Variants in DGKB observed in about 807,000 individuals in gnomAD.
DGKB encodes diacylglycerol kinase beta, also known as 90 kDa diacylglycerol kinase.
DGKB carries 67 observed loss-of-function variants against 114.3 expected under a neutral mutation model. That is an observed-to-expected ratio of 0.59 (90% CI 0.48 to 0.72). The LOEUF (loss-of-function observed/expected upper bound fraction) is 0.72, where lower values mean the gene tolerates loss of function less well. DGKB is among the 30% of genes least tolerant of loss of function. The pLI, the probability that DGKB is intolerant of heterozygous loss-of-function variation, is 0.00. For synonymous variants in DGKB, 398 were observed against 323.1 expected (o/e 1.23, Z -2.49); for missense variants, 907 against 975.2 (o/e 0.93, Z 0.93).
At chr7:14,250,137 T>A (rs200786909) in intron 23 of DGKB, among the ~76,000 whole-genome samples, 31,862 of 134,592 alleles carry the variant, frequency 0.24, 3,574 homozygotes, top group East Asian at 0.34. Context: ...TATATATTTT[T>A]TTTTTTTTTT....
At chr7:14,778,064 A>G (rs959732934) in intron 2 of DGKB, among the ~76,000 whole-genome samples, 4 of 152,234 alleles carry the variant, frequency 2.6e-5, no homozygotes, top group African/African-American at 7.2e-5. Context: ...AAGAGACATC[A>G]GTATTAGTAA....
chr7:14,705,189 C>T (rs551138559), intron 6 of DGKB, among the ~76,000 whole-genome samples: 22 of 151,616 alleles, frequency 1.5e-4, no homozygotes, highest in Non-Finnish European at 2.5e-4. Context: ...CCTCAGGAGC[C>T]GATGCGATCA....
At chr7:14,226,849 A>G (rs1228060543) in intron 23 of DGKB, among the ~76,000 whole-genome samples, 1 of 152,030 alleles carries the variant, frequency 6.6e-6, no homozygotes, top group Non-Finnish European at 1.5e-5. Flanking sequence ...TTTAACATTT[A>G]CTTTAAATTA....
chr7:14,345,533 A>G, intron 21 of DGKB, 142 bp from the exon 22 acceptor site: 1 of 541,610 alleles, frequency 1.8e-6, no homozygotes, highest in Non-Finnish European at 3.3e-6. Context: ...TGGTCATATA[A>G]TTTTCAAAGC....
At chr7:14,364,497 C>T (rs528517121) in intron 21 of DGKB, among the ~76,000 whole-genome samples, 19 of 152,050 alleles carry the variant, frequency 1.2e-4, no homozygotes, top group Non-Finnish European at 2.8e-4. Context: ...TACATTCAAT[C>T]GTCACAATAG....
intron 20 of DGKB, among the ~76,000 whole-genome samples, chr7:14,570,089 A>G (rs1012700953): frequency 6.0e-5 from 9 of 150,798 alleles, no homozygotes; most frequent in African/African-American, 1.7e-4. Context: ...ATATTTTTTC[A>G]ATTGGAATAT....
chr7:14,738,597 A>G (rs904412130), intron 4 of DGKB, among the ~76,000 whole-genome samples: 1 of 152,240 alleles, frequency 6.6e-6, no homozygotes, highest in Non-Finnish European at 1.5e-5. Context: ...TAAACATTGT[A>G]TGTAATTAAA....
At chr7:14,566,340 A>G (rs1295175792) in intron 20 of DGKB, among the ~76,000 whole-genome samples, 1 of 152,142 alleles carries the variant, frequency 6.6e-6, no homozygotes, top group Non-Finnish European at 1.5e-5. Flanking sequence ...TTTATTATGG[A>G]CTGTGGTTTA....
intron 1 of DGKB, among the ~76,000 whole-genome samples, chr7:14,909,499 A>C (rs2128242843): frequency 6.6e-6 from 1 of 152,234 alleles, no homozygotes; most frequent in East Asian, 1.9e-4. Flanking sequence ...TAATTTGTAG[A>C]AATTGAAAAA....
chr7:14,556,539 C>G (rs1795900755), intron 20 of DGKB, among the ~76,000 whole-genome samples: 1 of 151,882 alleles, frequency 6.6e-6, no homozygotes, highest in Admixed American at 6.6e-5. Flanking sequence ...GGAATGCATC[C>G]CCTATGCCCC....
chr7:14,714,848 T>G (rs1359093627), intron 6 of DGKB, among the ~76,000 whole-genome samples: 1 of 152,152 alleles, frequency 6.6e-6, no homozygotes, highest in African/African-American at 2.4e-5. Context: ...CAGTTTAAAT[T>G]TGAAAGGATG....
At chr7:14,970,413 A>G (rs217609) in intron 1 of DGKB, among the ~76,000 whole-genome samples, 83,243 of 151,876 alleles carry the variant, frequency 0.55, 24,915 homozygotes, top group East Asian at 0.82. Flanking sequence ...AGGGTAATGT[A>G]AAACTGTAAA....
intron 20 of DGKB, among the ~76,000 whole-genome samples, chr7:14,513,652 C>T (rs1271451000): frequency 6.6e-6 from 1 of 151,890 alleles, no homozygotes; most frequent in Non-Finnish European, 1.5e-5. Flanking sequence ...AGAGCAGTGT[C>T]AAATTTTACA....
At chr7:14,569,244 C>A (rs527609229) in intron 20 of DGKB, among the ~76,000 whole-genome samples, 1 of 152,048 alleles carries the variant, frequency 6.6e-6, no homozygotes, top group Non-Finnish European at 1.5e-5. Context: ...CTCTCTTTAT[C>A]CCCCTAATCC....
intron 25 of DGKB, among the ~76,000 whole-genome samples, chr7:14,152,612 G>C (rs1782388318): frequency 6.6e-6 from 1 of 152,006 alleles, no homozygotes; most frequent in Non-Finnish European, 1.5e-5. Context: ...CTGTCTTCCT[G>C]TTTCAAATTA....
intron 2 of DGKB, among the ~76,000 whole-genome samples, chr7:14,778,380 C>T (rs1838538249): frequency 6.6e-6 from 1 of 152,106 alleles, no homozygotes; most frequent in African/African-American, 2.4e-5. Flanking sequence ...GAACCTAGTG[C>T]ATAAACTAAC....
At chr7:14,163,247 T>C (rs1784162984) in intron 25 of DGKB, among the ~76,000 whole-genome samples, 1 of 152,210 alleles carries the variant, frequency 6.6e-6, no homozygotes, top group Non-Finnish European at 1.5e-5. Flanking sequence ...TCCTTTTTTT[T>C]TAACCAATCT....
Position 14,950,210 on chromosome 7 carries a change from CCTTACTCATCT to C in DGKB, c.-188+24475_-188+24485del, listed in dbSNP as rs1786111418. ...AGCAGATAGAAAAACATGACTCATC[CCTTACTCATCT>C]CTTACAAGGAAACCCCAATGAAATG... On this transcript the variant is annotated intron_variant, in intron 1 of 4. Transcript: ENST00000437998. Among the ~76,000 whole-genome samples, 3 of 36,654 alleles carry C rather than the reference CCTTACTCATCT, an allele frequency of 8.2e-5. No individual in the cohort carries two copies. In the South Asian group the frequency reaches 6.0e-3, roughly 73 times the overall value. The allele number at this position is 36,654 out of a possible 152,430, so 24.0% of individuals were successfully genotyped here.
intron 9 of DGKB, among the ~76,000 whole-genome samples, chr7:14,690,475 T>C (rs1362991175): frequency 6.6e-6 from 1 of 152,232 alleles, no homozygotes; most frequent in Admixed American, 6.5e-5. Flanking sequence ...TGAATTAAAA[T>C]AAATTAAAAC....
Sources: gnomAD v4.1 joint callset for allele counts (sites outside exome capture counted in the v4.1 genomes callset) on GRCh38, gnomAD v4.1.1 for gene constraint, MANE v1.5 for transcripts, NCBI Gene and HGNC (gene_info 2026-07-23, HGNC 2026-07-21) for gene names.